The following FANCA variants were observed in gnomAD, a reference collection of about 807,000 sequenced individuals.
FANCA encodes Fanconi anemia group A protein.
FANCA carries 236 observed loss-of-function variants against 194.3 expected under a neutral mutation model. The ratio of observed to expected loss-of-function variants is 1.21; its 90% CI spans 1.09 to 1.35. The LOEUF is 1.35. Ranked by LOEUF, FANCA falls within the 40% of genes most tolerant of loss-of-function variation. The pLI is 0.00. For missense variants in FANCA, 2,628 were observed against 1,813.9 expected, an observed-to-expected ratio of 1.45 and a Z score of -8.15; for synonymous variants, 1,014 against 715.8, an observed-to-expected ratio of 1.42 and a Z score of -6.65.
In FANCA at chr16:89,771,791, T is replaced by C. The variant is rs774143610; in HGVS notation, c.2038A>G (p.Ile680Val). The change falls in exon 23 of 43, where the codon ATT (isoleucine) becomes GTT (valine). Residue 680 changes from isoleucine (I) to valine (V), a missense_variant. Physicochemically the swap from Ile to Val is conservative, Grantham distance 29. Coordinates refer to ENST00000389301, the MANE Select transcript of FANCA (RefSeq NM_000135.4). ...AGGACAGCCCTCAGTCTTTCAGAAA[T>C]CACTGCCACCTGTGCCGATATAACT... ...RDVISAQVAV[I>V]SERLRAVLGH... The C allele has an allele frequency of 4.3e-6, 7 of 1,613,848 alleles. No homozygotes were observed. In the African/African-American group the frequency reaches 5.3e-5, roughly 12 times the overall value.
At chr16:89,742,457 T>TA (rs1295904642) in intron 37 of FANCA, among the ~76,000 whole-genome samples, 1 of 152,028 alleles carries the variant, frequency 6.6e-6, no homozygotes, top group Non-Finnish European at 1.5e-5. Context: ...CTCAACTACA[T>TA]ACAACCATTT....
chr16:89,766,303 A>C (rs1303532084), intron 27 of FANCA, among the ~76,000 whole-genome samples: 3 of 151,938 alleles, frequency 2.0e-5, no homozygotes, highest in Non-Finnish European at 4.4e-5. Flanking sequence ...CCTGAAAACC[A>C]CTATTTTATA....
intron 27 of FANCA, 28 bp downstream of exon 27, chr16:89,767,113 T>C (rs758989187): frequency 4.5e-6 from 7 of 1,550,998 alleles, no homozygotes; most frequent in Admixed American, 1.7e-5. Context: ...TATGGCAGAA[T>C]GGAAAAATAG....
At chr16:89,780,103 A>ATGT in intron 17 of FANCA, 146 bp from the exon 18 acceptor site, 8 of 772,874 alleles carry the variant, frequency 1.0e-5, no homozygotes, top group South Asian at 1.5e-5. Context: ...TGCGCACAGC[A>ATGT]GGGGCCCTGG....
intron 11 of FANCA, among the ~76,000 whole-genome samples, chr16:89,795,072 A>G (rs1369590110): frequency 2.0e-5 from 3 of 152,080 alleles, no homozygotes; most frequent in Non-Finnish European, 2.9e-5. Context: ...ATTACCTGAG[A>G]TTAGGAGTTC....
intron 40 of FANCA, 75 bp downstream of exon 40, chr16:89,739,403 G>A: frequency 6.4e-7 from 1 of 1,563,940 alleles, no homozygotes; most frequent in Admixed American, 1.9e-5. Flanking sequence ...TTCCCATCTG[G>A]CGGGACCCAG....
At chr16:89,779,781 C>G in intron 18 of FANCA, 88 bp downstream of exon 18, 1 of 1,103,568 alleles carries the variant, frequency 9.1e-7, no homozygotes, top group East Asian at 2.4e-5. Context: ...CTGCAGGCAT[C>G]AGAGCAGAGT....
chr16:89,803,218 G>A (rs2040518374), intron 8 of FANCA, 41 bp downstream of exon 8: 5 of 1,563,652 alleles, frequency 3.2e-6, no homozygotes, highest in Non-Finnish European at 4.4e-6. Flanking sequence ...GAATAAGGAC[G>A]GCTCCTTCCG....
chr16:89,759,319 A>AT (rs2038867955), intron 29 of FANCA, among the ~76,000 whole-genome samples: 1 of 14,110 alleles, frequency 7.1e-5, no homozygotes, highest in East Asian at 4.6e-3. Context: ...GACTCCGTCT[A>AT]AAAAAAAAAA....
chr16:89,746,743 A>G (rs552236360), intron 34 of FANCA, 55 bp from the exon 35 acceptor site: 1 of 1,599,892 alleles, frequency 6.3e-7, no homozygotes, highest in East Asian at 2.2e-5. Context: ...CACAACTAGT[A>G]GAGTGAAGGA....
At chr16:89,816,473 G>A in intron 1 of FANCA, 64 bp downstream of exon 1, 2 of 1,378,406 alleles carry the variant, frequency 1.5e-6, no homozygotes, top group Admixed American at 2.9e-5. Flanking sequence ...AAGGGATCGG[G>A]GAACCGGCGA....
intron 5 of FANCA, 44 bp downstream of exon 5, chr16:89,810,663 T>G: frequency 7.9e-7 from 1 of 1,270,606 alleles, no homozygotes; most frequent in Non-Finnish European, 1.2e-6. Context: ...CAACAGAACA[T>G]TGCCTGGAAC....
chr16:89,780,687 G>C (rs565222524), intron 17 of FANCA, among the ~76,000 whole-genome samples: 1 of 151,204 alleles, frequency 6.6e-6, no homozygotes, highest in Admixed American at 6.6e-5. Context: ...CCAGCATTTT[G>C]GGGGGCCAAG....
intron 3 of FANCA, among the ~76,000 whole-genome samples, chr16:89,811,426 A>C (rs2040874235): frequency 6.6e-6 from 1 of 152,236 alleles, no homozygotes; most frequent in Non-Finnish European, 1.5e-5. Flanking sequence ...TCTTTCAATT[A>C]CATTGTTTTT....
In FANCA at chr16:89,773,239, G is replaced by A. The variant is rs1404279643; in HGVS notation, c.2014+32C>T. 4.0e-6 allele frequency: 6 copies of A among 1,495,746 alleles called. No homozygotes were observed. In the African/African-American group the frequency reaches 5.6e-5, roughly 14 times the overall value. 92.7% of individuals were successfully genotyped at this position (1,495,746 alleles called of 1,614,324 possible). On this transcript the variant is annotated intron_variant, in intron 22 of 42. Transcript: ENST00000389301. Reference sequence around the variant, plus strand: ...AGCTCCAACCACAGGCTGCACACATGAGACACAGCATGAGCTCCCATCCAT... The same window carrying A: ...AGCTCCAACCACAGGCTGCACACATAAGACACAGCATGAGCTCCCATCCAT...
chr16:89,772,897 C>T (rs1003901013), intron 22 of FANCA, among the ~76,000 whole-genome samples: 2 of 152,080 alleles, frequency 1.3e-5, no homozygotes, highest in African/African-American at 4.8e-5. Flanking sequence ...TACAGAAAAC[C>T]ATCACATGGA....
Position 89,776,395 on chromosome 16 carries a change from G to A in FANCA, c.1827-580C>T, listed in dbSNP as rs369729560. Among the ~76,000 whole-genome samples the A allele has an allele frequency of 2.4e-4, 37 of 151,388 alleles. 1 individual carries two copies. In the East Asian group the frequency reaches 2.7e-3, roughly 11 times the overall value. On this transcript the variant is annotated intron_variant, in intron 20 of 42. Transcript: ENST00000389301. ...TGTTCACCAGGCTGGCCTCGAACTC[G>A]TGACCTTGTGATTCACCTGCCTCAG...
chr16:89,778,777 C>T (rs1186885058), intron 20 of FANCA, 24 bp downstream of exon 20: 27 of 1,609,240 alleles, frequency 1.7e-5, no homozygotes, highest in Non-Finnish European at 2.1e-5. Flanking sequence ...AAGTAGTCAT[C>T]CCCTTCTAAC....
intron 39 of FANCA, 150 bp downstream of exon 39, chr16:89,739,844 A>G: frequency 6.6e-7 from 1 of 1,505,804 alleles, no homozygotes; most frequent in Non-Finnish European, 8.8e-7. Flanking sequence ...ATTGCTTTAA[A>G]CAAGTTTGTG....
Sources: allele counts gnomAD v4.1 joint callset (sites outside exome capture counted in the v4.1 genomes callset), GRCh38; gene constraint gnomAD v4.1.1; transcripts MANE v1.5; gene names NCBI Gene and HGNC (gene_info 2026-07-23, HGNC 2026-07-21).